Variants in MAST4 observed in about 807,000 individuals in gnomAD.
The protein encoded by MAST4 is microtubule-associated serine/threonine-protein kinase 4.
A neutral mutation model predicts 162.7 loss-of-function variants in MAST4; 89 were observed. That is an observed-to-expected ratio of 0.55 (90% CI 0.46 to 0.65). The LOEUF is 0.65. Ranked by LOEUF, MAST4 falls within the 30% of genes least tolerant of loss-of-function variation. The pLI is 0.00. For missense variants in MAST4, 3,153 were observed against 3,374.0 expected, an observed-to-expected ratio of 0.93 and a Z score of 1.62; for synonymous variants, 1,479 against 1,361.1, an observed-to-expected ratio of 1.09 and a Z score of -1.91.
chr5:67,153,684 G>A, intron 26 of MAST4, 104 bp downstream of exon 26: 1 of 1,088,934 alleles, frequency 9.2e-7, no homozygotes, highest in Non-Finnish European at 1.2e-6. Flanking sequence ...TCTGATTACT[G>A]AGAAAGTATT....
At chr5:66,984,758 G>A (rs1184036557) in intron 4 of MAST4, among the ~76,000 whole-genome samples, 1 of 151,872 alleles carries the variant, frequency 6.6e-6, no homozygotes, top group South Asian at 2.1e-4. Context: ...GTTGGAGGAT[G>A]GGGGCGGGGC....
At chr5:67,133,744 CT>C in intron 17 of MAST4, 98 bp downstream of exon 17, 1 of 1,344,948 alleles carries the variant, frequency 7.4e-7, no homozygotes, top group Admixed American at 2.0e-5. Flanking sequence ...CACATTAGTG[CT>C]GGTGGTTTAG....
chr5:67,061,608 T>C (rs2150596267), intron 5 of MAST4, among the ~76,000 whole-genome samples: 1 of 152,220 alleles, frequency 6.6e-6, no homozygotes, highest in East Asian at 1.9e-4. Context: ...TCTGATTTCT[T>C]CCAAGTTTGT....
intron 3 of MAST4, among the ~76,000 whole-genome samples, chr5:66,819,102 CT>C (rs1756869705): frequency 2.6e-5 from 4 of 152,246 alleles, no homozygotes; most frequent in Admixed American, 2.6e-4. Context: ...CAACTGTTAA[CT>C]GTTAACTAGT....
At chr5:67,015,050 G>C (rs1753119847) in intron 4 of MAST4, among the ~76,000 whole-genome samples, 1 of 152,164 alleles carries the variant, frequency 6.6e-6, no homozygotes, top group African/African-American at 2.4e-5. Flanking sequence ...ATGGGTCCCA[G>C]GTTGGAAATC....
intron 3 of MAST4, among the ~76,000 whole-genome samples, chr5:66,844,308 C>T (rs1402938646): frequency 6.6e-6 from 1 of 151,942 alleles, no homozygotes; most frequent in African/African-American, 2.4e-5. Flanking sequence ...GAAATGCAGG[C>T]ACACATTTAT....
At chr5:67,051,430 A>G (rs923629294) in intron 4 of MAST4, among the ~76,000 whole-genome samples, 2 of 152,186 alleles carry the variant, frequency 1.3e-5, no homozygotes, top group African/African-American at 4.8e-5. Flanking sequence ...CAATGTTATT[A>G]TTAATGTGGG....
At chr5:67,109,203 T>G (rs1032451619) in intron 10 of MAST4, among the ~76,000 whole-genome samples, 1 of 152,180 alleles carries the variant, frequency 6.6e-6, no homozygotes, top group African/African-American at 2.4e-5. Flanking sequence ...TATTATTTAT[T>G]CAATGTGTGA....
chr5:66,811,014 T>G (rs1426595691), intron 3 of MAST4, among the ~76,000 whole-genome samples: 1 of 152,186 alleles, frequency 6.6e-6, no homozygotes, highest in Non-Finnish European at 1.5e-5. Flanking sequence ...AAAACATCAC[T>G]AGGGGCTTTT....
chr5:67,036,138 G>A (rs1341163432), intron 4 of MAST4, among the ~76,000 whole-genome samples: 1 of 152,004 alleles, frequency 6.6e-6, no homozygotes, highest in Middle Eastern at 3.2e-3. Flanking sequence ...TTGGTATAGA[G>A]GAAGGAAAAA....
intron 3 of MAST4, among the ~76,000 whole-genome samples, chr5:66,845,293 GGT>G (rs1758768104): frequency 1.3e-5 from 2 of 151,170 alleles, no homozygotes; most frequent in Non-Finnish European, 1.5e-5. Flanking sequence ...AACAGGCCCC[GGT>G]GTGTGATGTT....
intron 3 of MAST4, among the ~76,000 whole-genome samples, chr5:66,796,104 A>G (rs1755633641): frequency 6.6e-6 from 1 of 152,218 alleles, no homozygotes; most frequent in African/African-American, 2.4e-5. Flanking sequence ...ACCTGAGCCC[A>G]TCCACAGAGT....
chr5:66,682,126 C>T (rs914633843), intron 1 of MAST4, among the ~76,000 whole-genome samples: 17 of 152,250 alleles, frequency 1.1e-4, no homozygotes, highest in Admixed American at 3.9e-4. Context: ...ACAGGCCTGC[C>T]GCCACTCTCT....
At position 67,166,258 on chromosome 5, in the gene MAST4, A is replaced by C. The variant is rs771604248; in HGVS notation, c.7079A>C (p.Gln2360Pro). ...AGACAGACAGACAAAAGCCCGAGTCAGCCGGCCGCCAACACCGACAGAAGG... is the reference window on the plus strand; with the variant it reads ...AGACAGACAGACAAAAGCCCGAGTCCGCCGGCCGCCAACACCGACAGAAGG... ...DNRQTDKSPS[Q>P]PAANTDRRAE... The change falls in exon 29 of 29, where the codon CAG (glutamine) becomes CCG (proline). Residue 2360 changes from glutamine (Q) to proline (P), a missense_variant. Gln to Pro is a moderately conservative substitution (Grantham distance 76). Transcript: ENST00000403625. 6 of 1,553,246 alleles carry C rather than the reference A, an allele frequency of 3.9e-6. No homozygotes were observed. The highest frequency in any genetic ancestry group is 1.4e-5 in the African/African-American group (1 of 73,180).
chr5:66,609,693 T>G (rs1743154488), intron 1 of MAST4, among the ~76,000 whole-genome samples: 1 of 109,268 alleles, frequency 9.2e-6, no homozygotes, highest in Admixed American at 8.1e-5. Context: ...AGCCTGGTGT[T>G]TTTTTTTTTT....
intron 4 of MAST4, among the ~76,000 whole-genome samples, chr5:67,011,010 C>T (rs1325913959): frequency 1.3e-5 from 2 of 152,200 alleles, no homozygotes; most frequent in African/African-American, 4.8e-5. Context: ...TATCCCCTTA[C>T]TCACTGTTGC....
chr5:66,982,708 C>G (rs192768440), intron 4 of MAST4, among the ~76,000 whole-genome samples: 1 of 152,188 alleles, frequency 6.6e-6, no homozygotes, highest in African/African-American at 2.4e-5. Flanking sequence ...GATATTCTGG[C>G]GGCGGATATC....
rs1291125377 is a variant in MAST4 at position 67,096,130 on chromosome 5, TTGTC to T, written c.912+459_912+462del. Among the ~76,000 whole-genome samples the T allele has an allele frequency of 2.0e-5, 3 of 152,174 alleles. No homozygotes were observed. In the East Asian group the frequency reaches 5.8e-4, roughly 29 times the overall value. ...AGAAAAAAAAAAGGCAAGTCTTAAT[TTGTC>T]TGTGCCTTCTAGGTAAGAACTTTCT... On this transcript the variant is annotated intron_variant, in intron 7 of 28. Transcript: ENST00000403625.
At chr5:66,842,204 T>C (rs576426510) in intron 3 of MAST4, among the ~76,000 whole-genome samples, 2 of 152,142 alleles carry the variant, frequency 1.3e-5, no homozygotes, top group Non-Finnish European at 2.9e-5. Context: ...ATTGCAGAAT[T>C]ACAAAATGCA....
Sources: allele counts gnomAD v4.1 joint callset (sites outside exome capture counted in the v4.1 genomes callset), GRCh38; gene constraint gnomAD v4.1.1; transcripts MANE v1.5; gene names NCBI Gene and HGNC (gene_info 2026-07-23, HGNC 2026-07-21).